The following PPP2R1B variants were observed in gnomAD, a reference collection of about 807,000 sequenced individuals.
The protein encoded by PPP2R1B is serine/threonine-protein phosphatase 2A 65 kDa regulatory subunit A beta isoform.
PPP2R1B carries 58 observed loss-of-function variants against 72.7 expected under a neutral mutation model. The observed-to-expected ratio is 0.80, with a 90% CI of 0.65 to 0.99. PPP2R1B has a LOEUF of 0.99. Among genes scored for constraint, PPP2R1B ranks in the 50% least tolerant of loss-of-function variants. PPP2R1B has a pLI of 0.00. For missense variants in PPP2R1B, 695 were observed against 733.6 expected (o/e 0.95, Z 0.61); for synonymous variants, 256 against 264.6 (o/e 0.97, Z 0.32).
intron 3 of PPP2R1B, among the ~76,000 whole-genome samples, chr11:111,761,628 G>A (rs575388906): frequency 6.6e-6 from 1 of 152,278 alleles, no homozygotes; most frequent in South Asian, 2.1e-4. Flanking sequence ...ATTAGCCATA[G>A]GGCAGAAAGG....
intron 15 of PPP2R1B, chr11:111,727,744 T>A (rs181160910): frequency 5.3e-5 from 8 of 152,334 alleles, no homozygotes; most frequent in African/African-American, 1.9e-4. Context: ...AGTGATTAGG[T>A]GATCAGCCAG....
rs11213993 is a variant in PPP2R1B, at chr11:111,741,319, C to G, written c.*277G>C. 1.6e-3 allele frequency: 1,918 copies of G among 1,236,074 alleles called. 24 individuals carry two copies. The African/African-American group carries it at 0.027, about 17-fold the overall frequency. 76.6% of individuals were successfully genotyped at this position (1,236,074 alleles called of 1,614,324 possible). A position where few individuals can be genotyped will look rare whatever the true frequency, so the allele number is the denominator to read the frequency against. ...GATTCCACAGTGAGGATGCAGGAGC[C>G]CAGGTGGTGATGGATAAAGCATTAG... is the stretch of plus-strand genomic sequence containing the variant. On this transcript the variant is annotated 3_prime_UTR_variant, in exon 15 of 15. Transcript: ENST00000527614.
chr11:111,748,433 A>G, intron 10 of PPP2R1B, among the ~76,000 whole-genome samples: 1 of 152,270 alleles, frequency 6.6e-6, no homozygotes, highest in Non-Finnish European at 1.5e-5. Flanking sequence ...ATCCTTAAGG[A>G]TAAAGCAACT....
At chr11:111,700,789 G>T in the PPP2R1B span, 1 of 1,431,192 alleles carries the variant, frequency 7.0e-7, no homozygotes. Context: ...AAATAGTAGT[G>T]ATATTGTTAA....
At chr11:111,718,434 G>A in the PPP2R1B span, among the ~76,000 whole-genome samples, 3 of 152,214 alleles carry the variant, frequency 2.0e-5, no homozygotes, top group African/African-American at 4.8e-5. Flanking sequence ...AGATTGGCCA[G>A]TGTGGAAAGG....
the PPP2R1B span, among the ~76,000 whole-genome samples, chr11:111,716,310 C>A: frequency 6.6e-6 from 1 of 152,064 alleles, no homozygotes; most frequent in Non-Finnish European, 1.5e-5. Flanking sequence ...TGGCCAGGTG[C>A]GGTGGCTTAC....
the PPP2R1B span, among the ~76,000 whole-genome samples, chr11:111,693,161 G>A: frequency 7.7e-3 from 1,163 of 152,024 alleles, 22 homozygotes; most frequent in Non-Finnish European, 7.3e-3. Flanking sequence ...GTGAAACCCC[G>A]TCTCTACTAA....
chr11:111,719,867 C>T, the PPP2R1B span: 20 of 1,613,980 alleles, frequency 1.2e-5, no homozygotes, highest in Admixed American at 1.8e-4. Context: ...CCTCCATTGA[C>T]GAAGGGCTGG....
intron 10 of PPP2R1B, among the ~76,000 whole-genome samples, chr11:111,751,422 T>C (rs1221015156): frequency 6.6e-6 from 1 of 152,218 alleles, no homozygotes; most frequent in Non-Finnish European, 1.5e-5. Context: ...GAAATATGTT[T>C]CTGTAATACA....
intron 10 of PPP2R1B, among the ~76,000 whole-genome samples, chr11:111,751,919 G>C (rs1944920821): frequency 6.6e-6 from 1 of 152,226 alleles, no homozygotes; most frequent in Admixed American, 6.5e-5. Flanking sequence ...GGAGGTTGCA[G>C]TGAGCCAAGA....
chr11:111,725,625 G>A (rs1943941074), downstream of PPP2R1B: 1 of 152,666 alleles, frequency 6.6e-6, no homozygotes, highest in Non-Finnish European at 1.5e-5. Context: ...TAAGCACAAA[G>A]CATCTTCCTT....
At chr11:111,719,603 A>C in the PPP2R1B span, among the ~76,000 whole-genome samples, 1 of 152,218 alleles carries the variant, frequency 6.6e-6, no homozygotes. Context: ...TGAGTCCTGC[A>C]GTTGACTTGC....
the PPP2R1B span, among the ~76,000 whole-genome samples, chr11:111,707,378 TGG>T: frequency 6.6e-6 from 1 of 152,240 alleles, no homozygotes; most frequent in Non-Finnish European, 1.5e-5. Context: ...ATATTTAATT[TGG>T]CTTAGGGTTC....
chr11:111,712,295 G>C, the PPP2R1B span: 1 of 1,614,026 alleles, frequency 6.2e-7, no homozygotes, highest in East Asian at 2.2e-5. Context: ...GGCATCCAAC[G>C]TGGAGGCCTT....
chr11:111,726,731 G>A (rs1943979848), downstream of PPP2R1B: 2 of 544,692 alleles, frequency 3.7e-6, no homozygotes, highest in Non-Finnish European at 6.6e-6. Context: ...ACACTAAGAA[G>A]GCTTAGTATC....
chr11:111,719,019 C>A, the PPP2R1B span, among the ~76,000 whole-genome samples: 1 of 152,132 alleles, frequency 6.6e-6, no homozygotes, highest in African/African-American at 2.4e-5. Context: ...CTGCGCTCAC[C>A]CCTGTGGGAT....
intron 15 of PPP2R1B, among the ~76,000 whole-genome samples, chr11:111,731,008 T>C (rs979329903): frequency 5.3e-5 from 8 of 152,218 alleles, no homozygotes; most frequent in African/African-American, 7.2e-5. Flanking sequence ...TATGTTCTCA[T>C]TGACGTCAGC....
the PPP2R1B span, chr11:111,704,941 T>C: frequency 2.0e-6 from 3 of 1,511,190 alleles, no homozygotes; most frequent in African/African-American, 4.5e-5. Flanking sequence ...GATCATTGCA[T>C]TGGTCTTTAC....
At chr11:111,723,499 C>T, downstream of PPP2R1B, 1 of 1,595,124 alleles carries the variant, frequency 6.3e-7, no homozygotes, top group Non-Finnish European at 8.6e-7. Flanking sequence ...AATTTAGGCT[C>T]CAGCAGAAGC....
Sources: allele counts gnomAD v4.1 joint callset (sites outside exome capture counted in the v4.1 genomes callset), GRCh38; gene constraint gnomAD v4.1.1; transcripts MANE v1.5; gene names NCBI Gene and HGNC (gene_info 2026-07-23, HGNC 2026-07-21).